Variants in SPMAP2L observed in about 807,000 individuals in gnomAD.
The protein encoded by SPMAP2L is sperm microtubule associated protein 2-like.
the SPMAP2L span, among the ~76,000 whole-genome samples, chr4:56,562,488 C>A: frequency 6.6e-6 from 1 of 152,084 alleles, no homozygotes; most frequent in Non-Finnish European, 1.5e-5. Context: ...TCTTCATAAG[C>A]TGCCATATTT....
chr4:56,613,483 G>C, the SPMAP2L span, among the ~76,000 whole-genome samples: 3 of 152,290 alleles, frequency 2.0e-5, no homozygotes, highest in Non-Finnish European at 4.4e-5. Context: ...AATGGTGGTG[G>C]GTGGGCAGCT....
chr4:56,587,218 A>G, the SPMAP2L span, among the ~76,000 whole-genome samples: 1 of 152,022 alleles, frequency 6.6e-6, no homozygotes, highest in Admixed American at 6.6e-5. Flanking sequence ...CAACTTACTC[A>G]TTTTACAGTG....
At chr4:56,576,271 CTA>C in the SPMAP2L span, among the ~76,000 whole-genome samples, 1 of 151,970 alleles carries the variant, frequency 6.6e-6, no homozygotes, top group Non-Finnish European at 1.5e-5. Flanking sequence ...CTCCTGGAAA[CTA>C]TGTTATGTGA....
At chr4:56,620,235 T>C in the SPMAP2L span, among the ~76,000 whole-genome samples, 1 of 152,230 alleles carries the variant, frequency 6.6e-6, no homozygotes, top group Non-Finnish European at 1.5e-5. Flanking sequence ...GAAACCTCTC[T>C]AAATGAGTTA....
the SPMAP2L span, among the ~76,000 whole-genome samples, chr4:56,622,328 T>C: frequency 1.3e-5 from 2 of 152,344 alleles, no homozygotes; most frequent in East Asian, 3.9e-4. Context: ...CAATAAGGAA[T>C]AAGAACTAAA....
At chr4:56,567,442 G>GTTTTTTTGTT in the SPMAP2L span, among the ~76,000 whole-genome samples, 1 of 65,580 alleles carries the variant, frequency 1.5e-5, no homozygotes, top group Non-Finnish European at 2.8e-5. Context: ...AATTTTGGTG[G>GTTTTTTTGTT]TTTTTTTTTT....
chr4:56,542,835 C>T, the SPMAP2L span, among the ~76,000 whole-genome samples: 1 of 152,094 alleles, frequency 6.6e-6, no homozygotes, highest in African/African-American at 2.4e-5. Flanking sequence ...TTCCAATCCA[C>T]CTTTCACCAG....
chr4:56,615,388 G>A, the SPMAP2L span, among the ~76,000 whole-genome samples: 4 of 152,292 alleles, frequency 2.6e-5, no homozygotes, highest in East Asian at 3.9e-4. Flanking sequence ...CGCTATGCCC[G>A]CAGGCACTAA....
the SPMAP2L span, among the ~76,000 whole-genome samples, chr4:56,599,805 G>A: frequency 6.6e-6 from 1 of 152,092 alleles, no homozygotes; most frequent in Non-Finnish European, 1.5e-5. Context: ...GTCTATCATT[G>A]ATGAGCATTT....
the SPMAP2L span, among the ~76,000 whole-genome samples, chr4:56,537,523 CT>C: frequency 1.3e-5 from 2 of 152,194 alleles, no homozygotes; most frequent in African/African-American, 2.4e-5. Context: ...CTTGAAGTTA[CT>C]CAAGCTAAAG....
chr4:56,611,758 T>C, the SPMAP2L span, among the ~76,000 whole-genome samples: 3 of 152,108 alleles, frequency 2.0e-5, no homozygotes, highest in Non-Finnish European at 4.4e-5. Flanking sequence ...GCTTTATTGG[T>C]GCCTATGTTT....
chr4:56,555,802 A>G, the SPMAP2L span, among the ~76,000 whole-genome samples: 1 of 152,144 alleles, frequency 6.6e-6, no homozygotes, highest in Non-Finnish European at 1.5e-5. Context: ...TTGTATATTA[A>G]TGCTGTATCT....
chr4:56,566,049 G>A, the SPMAP2L span, among the ~76,000 whole-genome samples: 836 of 152,184 alleles, frequency 5.5e-3, 17 homozygotes, highest in Admixed American at 0.033. Context: ...GATAATCTCT[G>A]TTTTTAAATT....
the SPMAP2L span, chr4:56,594,756 C>G: frequency 6.7e-7 from 1 of 1,497,092 alleles, no homozygotes; most frequent in Non-Finnish European, 9.3e-7. Flanking sequence ...ATTACATACC[C>G]ATCCACCAAT....
the SPMAP2L span, among the ~76,000 whole-genome samples, chr4:56,587,677 C>T: frequency 1.3e-5 from 2 of 152,122 alleles, no homozygotes; most frequent in East Asian, 3.8e-4. Context: ...AGTAGTATTC[C>T]ATCCTATACA....
chr4:56,584,634 A>T, the SPMAP2L span: 27 of 1,463,932 alleles, frequency 1.8e-5, no homozygotes, highest in African/African-American at 3.4e-4. Context: ...TTGTGGAAGA[A>T]ACAGTTCCTG....
the SPMAP2L span, among the ~76,000 whole-genome samples, chr4:56,570,409 C>A: frequency 1.3e-5 from 2 of 152,210 alleles, no homozygotes; most frequent in South Asian, 4.1e-4. Context: ...CTACTACACA[C>A]CTGAGCTATA....
At chr4:56,584,594 T>A in the SPMAP2L span, 2 of 1,534,920 alleles carry the variant, frequency 1.3e-6, no homozygotes, top group Admixed American at 3.9e-5. Context: ...AGACCCAAAC[T>A]ATCATCCTTC....
chr4:56,552,273 G>A, the SPMAP2L span, among the ~76,000 whole-genome samples: 1 of 152,166 alleles, frequency 6.6e-6, no homozygotes, highest in Non-Finnish European at 1.5e-5. Flanking sequence ...GTTAACAAGT[G>A]TGCATTTTAC....
Sources: gnomAD v4.1 joint callset for allele counts (sites outside exome capture counted in the v4.1 genomes callset) on GRCh38, gnomAD v4.1.1 for gene constraint, MANE v1.5 for transcripts, NCBI Gene and HGNC (gene_info 2026-07-23, HGNC 2026-07-21) for gene names.